Variants in CCSER1 observed in about 807,000 individuals in gnomAD.
CCSER1 encodes serine-rich coiled-coil domain-containing protein 1.
In CCSER1, 41 loss-of-function variants were observed where a neutral mutation model predicts 82.0. The observed-to-expected ratio is 0.50, with a 90% CI of 0.39 to 0.65. The LOEUF (loss-of-function observed/expected upper bound fraction) is 0.65, where lower values mean the gene tolerates loss of function less well. CCSER1 is among the 30% of genes least tolerant of loss of function. The pLI is 0.00. For missense variants in CCSER1, 1,119 were observed against 1,064.2 expected, an observed-to-expected ratio of 1.05 and a Z score of -0.72; for synonymous variants, 414 against 383.9, an observed-to-expected ratio of 1.08 and a Z score of -0.92.
intron 10 of CCSER1, among the ~76,000 whole-genome samples, chr4:91,267,853 A>G (rs937781901): frequency 2.0e-5 from 3 of 152,212 alleles, no homozygotes; most frequent in African/African-American, 7.2e-5. Context: ...TTAAAATGAT[A>G]TAAAGCATGC....
chr4:91,454,960 T>C (rs1756073907), intron 10 of CCSER1, among the ~76,000 whole-genome samples: 2 of 152,136 alleles, frequency 1.3e-5, no homozygotes, highest in Non-Finnish European at 2.9e-5. Context: ...TCTGAATTTC[T>C]TCATTTGTTT....
chr4:90,844,858 G>C (rs1287527210), intron 8 of CCSER1, among the ~76,000 whole-genome samples: 1 of 152,164 alleles, frequency 6.6e-6, no homozygotes, highest in Non-Finnish European at 1.5e-5. Context: ...GGTTAGCAAA[G>C]AGCCAGACAG....
intron 5 of CCSER1, among the ~76,000 whole-genome samples, chr4:90,472,220 A>G (rs1013522978): frequency 2.0e-5 from 3 of 152,308 alleles, no homozygotes; most frequent in Admixed American, 6.5e-5. Flanking sequence ...TGCTAAGAAT[A>G]ACTGAAATAG....
intron 8 of CCSER1, among the ~76,000 whole-genome samples, chr4:90,868,028 T>C (rs1392089558): frequency 1.3e-5 from 2 of 152,022 alleles, no homozygotes; most frequent in African/African-American, 4.8e-5. Context: ...AGTTCTTCAA[T>C]ACACTTATTT....
chr4:91,083,652 GAAAT>G (rs1723053033), intron 9 of CCSER1, among the ~76,000 whole-genome samples: 1 of 151,802 alleles, frequency 6.6e-6, no homozygotes, highest in African/African-American at 2.4e-5. Flanking sequence ...TAATATGAGA[GAAAT>G]AGATAGTAAA....
intron 7 of CCSER1, among the ~76,000 whole-genome samples, chr4:90,786,540 ACT>A (rs1754544498): frequency 2.0e-5 from 3 of 152,048 alleles, no homozygotes. Context: ...TAAATCTAAA[ACT>A]CTAGTAAAAT....
chr4:90,541,658 C>T (rs912673885), intron 5 of CCSER1, among the ~76,000 whole-genome samples: 7 of 152,012 alleles, frequency 4.6e-5, no homozygotes, highest in African/African-American at 1.2e-4. Flanking sequence ...TGTTCTCTCT[C>T]ACTCTCTCTC....
At chr4:91,404,596 CTT>C (rs1287858785) in intron 10 of CCSER1, among the ~76,000 whole-genome samples, 1 of 152,116 alleles carries the variant, frequency 6.6e-6, no homozygotes, top group Non-Finnish European at 1.5e-5. Flanking sequence ...TATGTTGTGT[CTT>C]TGTTCTCATT....
rs61533923 is a variant in CCSER1 at position 90,809,151 on chromosome 4, C to CCACACA, written c.2011-6598_2011-6593dup. Among the ~76,000 whole-genome samples the CCACACA allele has an allele frequency of 9.8e-3, 661 of 67,628 alleles. 2 individuals carry two copies. Among genetic ancestry groups the CCACACA allele is most frequent in the Middle Eastern group, 0.016 (3 of 190 alleles). 44.4% of individuals were successfully genotyped at this position (67,628 alleles called of 152,430 possible). A position where few individuals can be genotyped will look rare whatever the true frequency, so the allele number is the denominator to read the frequency against. ...TGAGCAACAAAGTGAGACCCCATTT[C>CCACACA]CACACACACACACACACAATTAGCT... is the stretch of plus-strand genomic sequence containing the variant. On this transcript the variant is annotated intron_variant, in intron 7 of 10. Transcript: ENST00000509176.
intron 6 of CCSER1, among the ~76,000 whole-genome samples, chr4:90,656,916 A>G (rs1729802144): frequency 1.3e-5 from 2 of 152,056 alleles, no homozygotes; most frequent in African/African-American, 2.4e-5. Flanking sequence ...GGACATTAAA[A>G]TACTTTATTT....
At chr4:91,021,354 T>C (rs569868027) in intron 9 of CCSER1, among the ~76,000 whole-genome samples, 27 of 152,084 alleles carry the variant, frequency 1.8e-4, no homozygotes, top group African/African-American at 4.8e-4. Context: ...GCAAAAAAAA[T>C]TAGAAATGAC....
chr4:91,050,488 T>C (rs1742911601), intron 9 of CCSER1, among the ~76,000 whole-genome samples: 1 of 151,958 alleles, frequency 6.6e-6, no homozygotes, highest in Non-Finnish European at 1.5e-5. Flanking sequence ...GTGTAAATGG[T>C]TTAACTCCAT....
chr4:91,491,274 C>G (rs1432337456), intron 10 of CCSER1, among the ~76,000 whole-genome samples: 1 of 151,854 alleles, frequency 6.6e-6, no homozygotes, highest in African/African-American at 2.4e-5. Context: ...CTCCATGTGC[C>G]CTCTCCATCG....
At chr4:90,299,359 C>T (rs971141472) in intron 1 of CCSER1, among the ~76,000 whole-genome samples, 4 of 152,054 alleles carry the variant, frequency 2.6e-5, no homozygotes, top group African/African-American at 9.7e-5. Flanking sequence ...CTTATATAAG[C>T]AATTATTTGT....
intron 10 of CCSER1, among the ~76,000 whole-genome samples, chr4:91,401,797 C>G (rs1185244260): frequency 6.6e-6 from 1 of 152,126 alleles, no homozygotes; most frequent in African/African-American, 2.4e-5. Context: ...TCCAGTCTAT[C>G]ATTGATGGAC....
chr4:91,261,505 AT>A (rs1252572186), intron 10 of CCSER1, among the ~76,000 whole-genome samples: 2 of 152,204 alleles, frequency 1.3e-5, no homozygotes, highest in African/African-American at 2.4e-5. Flanking sequence ...AGTACCTTTC[AT>A]TTACACTTCA....
intron 5 of CCSER1, among the ~76,000 whole-genome samples, chr4:90,619,455 A>G (rs1238835098): frequency 1.3e-5 from 2 of 152,052 alleles, no homozygotes; most frequent in Non-Finnish European, 2.9e-5. Context: ...GATTAAAAAA[A>G]ATTTGTTTGA....
At chr4:91,119,676 G>A (rs6821242) in intron 10 of CCSER1, among the ~76,000 whole-genome samples, 78,694 of 151,516 alleles carry the variant, frequency 0.52, 20,743 homozygotes, top group East Asian at 0.68. Flanking sequence ...TATTTACTAT[G>A]TATATAAGTA....
intron 10 of CCSER1, among the ~76,000 whole-genome samples, chr4:91,134,755 T>TTTGTTGAGAAAGGAAAGTA (rs1251584564): frequency 5.9e-5 from 9 of 152,074 alleles, no homozygotes; most frequent in African/African-American, 1.9e-4. Flanking sequence ...GAAAGGAATA[T>TTTGTTGAGAAAGGAAAGTA]TTTCAGTCTT....
Sources: allele counts gnomAD v4.1 joint callset (sites outside exome capture counted in the v4.1 genomes callset), GRCh38; gene constraint gnomAD v4.1.1; transcripts MANE v1.5; gene names NCBI Gene and HGNC (gene_info 2026-07-23, HGNC 2026-07-21).